The following WWOX variants were observed in gnomAD, a reference collection of about 807,000 sequenced individuals.
WWOX encodes WW domain-containing oxidoreductase.
Under a neutral mutation model 46.2 loss-of-function variants are expected in WWOX, and 69 were observed. The ratio of observed to expected loss-of-function variants is 1.49; its 90% CI spans 1.23 to 1.82. The LOEUF is 1.82. WWOX is among the 40% of genes most tolerant of loss of function. WWOX has a pLI of 0.00. For synonymous variants in WWOX, 359 were observed against 202.6 expected (o/e 1.77, Z -6.56); for missense variants, 919 against 542.6 (o/e 1.69, Z -6.89).
intron 8 of WWOX, among the ~76,000 whole-genome samples, chr16:79,158,332 GA>G (rs969477393): frequency 6.6e-6 from 1 of 152,200 alleles, no homozygotes; most frequent in African/African-American, 2.4e-5. Context: ...TTTTCAGGTG[GA>G]AAAATCACAC....
rs539563024 is a variant in WWOX, at chr16:78,633,522, C to T, written c.1056+200770C>T. Among the ~76,000 whole-genome samples, 4 of 152,334 alleles carry T rather than the reference C, an allele frequency of 2.6e-5. No homozygotes were observed. In the East Asian group the frequency reaches 5.8e-4, roughly 22 times the overall value. ...GGTCCTGCCCGTGTTCTCTAGCTAA[C>T]GCATGGCAACGCTGGTTTCCAACCT... On this transcript the variant is annotated intron_variant, in intron 8 of 8. Transcript: ENST00000566780.
chr16:78,511,442 G>A (rs780602682), intron 8 of WWOX, among the ~76,000 whole-genome samples: 1 of 152,308 alleles, frequency 6.6e-6, no homozygotes, highest in African/African-American at 2.4e-5. Flanking sequence ...TCCCATGCAC[G>A]TTGCAGGCAC....
At chr16:78,943,753 C>G (rs1253522596) in intron 8 of WWOX, among the ~76,000 whole-genome samples, 3 of 152,278 alleles carry the variant, frequency 2.0e-5, no homozygotes, top group African/African-American at 7.2e-5. Flanking sequence ...ATTAAGCTTC[C>G]TGCAACTCCT....
At chr16:79,062,628 T>TAA (rs563900610) in intron 8 of WWOX, among the ~76,000 whole-genome samples, 1 of 148,482 alleles carries the variant, frequency 6.7e-6, no homozygotes, top group African/African-American at 2.5e-5. Flanking sequence ...TGTTTACATT[T>TAA]AAAAAAAAAA....
At chr16:78,999,614 C>T (rs1379536515) in intron 8 of WWOX, among the ~76,000 whole-genome samples, 1 of 152,120 alleles carries the variant, frequency 6.6e-6, no homozygotes, top group Admixed American at 6.6e-5. Flanking sequence ...TTTAGGAATA[C>T]TTTAATTATT....
chr16:78,871,218 G>A (rs1261354311), intron 8 of WWOX, among the ~76,000 whole-genome samples: 1 of 148,648 alleles, frequency 6.7e-6, no homozygotes, highest in Admixed American at 6.7e-5. Context: ...AAAAACCCCC[G>A]CTGCTGTCCT....
intron 8 of WWOX, among the ~76,000 whole-genome samples, chr16:78,670,253 C>A (rs932452881): frequency 2.0e-5 from 3 of 152,152 alleles, no homozygotes; most frequent in Non-Finnish European, 2.9e-5. Flanking sequence ...GCCAGCCACT[C>A]TTCTACCCAG....
intron 8 of WWOX, among the ~76,000 whole-genome samples, chr16:78,758,918 T>TA (rs563936592): frequency 2.8e-4 from 34 of 120,288 alleles, no homozygotes; most frequent in Non-Finnish European, 4.3e-4. Flanking sequence ...TATTTTGCAT[T>TA]AAAAAAAACC....
At chr16:79,046,509 C>A (rs2048068032) in intron 8 of WWOX, among the ~76,000 whole-genome samples, 1 of 152,138 alleles carries the variant, frequency 6.6e-6, no homozygotes, top group South Asian at 2.1e-4. Context: ...GAAGGCTGGG[C>A]TCCTGATTCA....
In WWOX at chr16:78,737,356, G is replaced by A. The variant is rs1027765157; in HGVS notation, c.1056+304604G>A. On this transcript the variant is annotated intron_variant, in intron 8 of 8. Transcript: ENST00000566780. ...TCATCATGTTGATCAGGCTGGTCTCGAACTTCTGACCTCAGAATGATCCGC... is the reference window on the plus strand; with the variant it reads ...TCATCATGTTGATCAGGCTGGTCTCAAACTTCTGACCTCAGAATGATCCGC... 7.2e-4 allele frequency among the ~76,000 whole-genome samples: 106 copies of A among 147,312 alleles called. 1 individual carries two copies. Among genetic ancestry groups the A allele is most frequent in the African/African-American group, 2.4e-3 (93 of 38,668 alleles).
chr16:78,249,114 A>G (rs62034048), intron 5 of WWOX, among the ~76,000 whole-genome samples: 9,776 of 151,902 alleles, frequency 0.064, 559 homozygotes, highest in East Asian at 0.27. Context: ...CGACCTCCCA[A>G]AGTGCTGAGA....
At chr16:78,935,614 G>A (rs1172835952) in intron 8 of WWOX, among the ~76,000 whole-genome samples, 1 of 143,072 alleles carries the variant, frequency 7.0e-6, no homozygotes, top group East Asian at 2.3e-4. Context: ...CGTGGGCTGG[G>A]GGGAGGGGAG....
intron 8 of WWOX, among the ~76,000 whole-genome samples, chr16:78,774,775 G>A (rs1359199051): frequency 6.6e-6 from 1 of 152,108 alleles, no homozygotes; most frequent in Non-Finnish European, 1.5e-5. Flanking sequence ...GCAATTCCTG[G>A]CACATGGCAT....
chr16:78,947,002 G>C lies in WWOX; in HGVS notation c.1057-264606G>C, dbSNP rs145830949. Reference sequence around the variant, plus strand: ...TAAATGGATTGTGAAGAGGGACTTTGTTCCCCCTCAGTCTTGTCTCTGCCT... The same window carrying C: ...TAAATGGATTGTGAAGAGGGACTTTCTTCCCCCTCAGTCTTGTCTCTGCCT... On this transcript the variant is annotated intron_variant, in intron 8 of 8. Transcript: ENST00000566780. Among the ~76,000 whole-genome samples, 359 of 151,548 alleles carry C rather than the reference G, an allele frequency of 2.4e-3. 2 individuals carry two copies. The highest frequency in any genetic ancestry group is 7.8e-3 in the African/African-American group (321 of 41,274).
intron 8 of WWOX, among the ~76,000 whole-genome samples, chr16:78,749,127 C>T (rs1282002783): frequency 6.6e-6 from 1 of 152,180 alleles, no homozygotes; most frequent in Non-Finnish European, 1.5e-5. Context: ...GTGGCATAGT[C>T]CTCCATGACC....
intron 5 of WWOX, among the ~76,000 whole-genome samples, chr16:78,196,690 A>T (rs2151769841): frequency 6.6e-6 from 1 of 152,308 alleles, no homozygotes; most frequent in East Asian, 1.9e-4. Context: ...TGCAATGTCA[A>T]ATAATAGCAT....
intron 8 of WWOX, among the ~76,000 whole-genome samples, chr16:79,041,604 G>A (rs1197652393): frequency 2.0e-5 from 3 of 152,088 alleles, no homozygotes; most frequent in South Asian, 2.1e-4. Context: ...GGGAGTACGG[G>A]ATCAGAATTC....
At chr16:79,185,114 T>C (rs1317797477) in intron 8 of WWOX, among the ~76,000 whole-genome samples, 2 of 152,216 alleles carry the variant, frequency 1.3e-5, no homozygotes, top group African/African-American at 2.4e-5. Context: ...TACTGAACTA[T>C]TGAATTGAGA....
chr16:78,428,396 T>G (rs1438596588), intron 7 of WWOX, among the ~76,000 whole-genome samples: 1 of 152,168 alleles, frequency 6.6e-6, no homozygotes, highest in Non-Finnish European at 1.5e-5. Context: ...GGACTGTCAG[T>G]GCTAGCTAAT....
Sources: allele counts gnomAD v4.1 joint callset (sites outside exome capture counted in the v4.1 genomes callset), GRCh38; gene constraint gnomAD v4.1.1; transcripts MANE v1.5; gene names NCBI Gene and HGNC (gene_info 2026-07-23, HGNC 2026-07-21).